PPP1R9A: variants seen among roughly 807,000 people sequenced by gnomAD.
The protein encoded by PPP1R9A is neurabin-1.
In PPP1R9A, 59 loss-of-function variants were observed where a neutral mutation model predicts 141.9. That is an observed-to-expected ratio of 0.42 (90% CI 0.34 to 0.52). The LOEUF is 0.52. PPP1R9A is among the 20% of genes least tolerant of loss of function. The pLI, the probability that PPP1R9A is intolerant of heterozygous loss-of-function variation, is 0.10. For synonymous variants in PPP1R9A, 500 were observed against 569.7 expected (o/e 0.88, Z 1.74); for missense variants, 1,444 against 1,611.9 (o/e 0.90, Z 1.78).
intron 2 of PPP1R9A, among the ~76,000 whole-genome samples, chr7:95,020,741 A>T (rs1165482719): frequency 1.3e-5 from 2 of 152,174 alleles, no homozygotes; most frequent in African/African-American, 4.8e-5. Context: ...TTTGCTGAGA[A>T]TGATGGTTTC....
chr7:95,230,225 A>G (rs1161474574), intron 8 of PPP1R9A, among the ~76,000 whole-genome samples: 1 of 152,112 alleles, frequency 6.6e-6, no homozygotes, highest in Non-Finnish European at 1.5e-5. Flanking sequence ...GGAATCAGAA[A>G]AACAATTCTG....
intron 7 of PPP1R9A, among the ~76,000 whole-genome samples, chr7:95,225,183 A>C (rs1168083711): frequency 1.3e-5 from 2 of 152,128 alleles, no homozygotes; most frequent in Non-Finnish European, 2.9e-5. Context: ...GACATTAGAA[A>C]AATTGTGGGG....
rs923272261 is a variant in PPP1R9A, at chr7:95,226,070, C to T, written c.2066C>T (p.Ser689Phe). The T allele has an allele frequency of 1.2e-6, 2 of 1,613,424 alleles. No individual in the cohort carries two copies. Among genetic ancestry groups the T allele is most frequent in the African/African-American group, 2.7e-5 (2 of 74,872 alleles). Residue 689 changes from serine to phenylalanine, a missense_variant, in exon 8 of 20, where the codon TCC (serine) becomes TTC (phenylalanine). By Grantham distance (155) the Ser-to-Phe change is radical. Coordinates refer to ENST00000433360, the MANE Select transcript of PPP1R9A (RefSeq NM_001166160.2). ...CTGCCTGAGAATGAGGACATGTTTT[C>T]CCCATCAGAACTGGACACAAGCAAG... ...FELPENEDMFSPSELDTSKLS... is the reference protein window; with the variant it reads ...FELPENEDMFFPSELDTSKLS...
At chr7:95,286,959 A>C (rs1805459278) in intron 18 of PPP1R9A, 2 of 798,406 alleles carry the variant, frequency 2.5e-6, no homozygotes, top group Non-Finnish European at 3.9e-6. Context: ...TTTTTTATTC[A>C]CAAAACTTTT....
intron 4 of PPP1R9A, among the ~76,000 whole-genome samples, chr7:95,141,762 T>C (rs1021310905): frequency 6.6e-6 from 1 of 152,206 alleles, no homozygotes; most frequent in Non-Finnish European, 1.5e-5. Context: ...TTTAGTTTAT[T>C]CATTTTGATA....
intron 16 of PPP1R9A, among the ~76,000 whole-genome samples, chr7:95,280,000 T>C (rs571008538): frequency 6.6e-6 from 1 of 152,280 alleles, no homozygotes; most frequent in East Asian, 1.9e-4. Flanking sequence ...ACAGTGACCA[T>C]CTCAGATGAA....
chr7:95,279,116 T>C (rs1803691694), intron 16 of PPP1R9A, among the ~76,000 whole-genome samples: 1 of 152,236 alleles, frequency 6.6e-6, no homozygotes, highest in African/African-American at 2.4e-5. Flanking sequence ...CATCCAAGGA[T>C]GACTTTTGTT....
At chr7:94,920,223 A>G (rs1044245742) in intron 2 of PPP1R9A, among the ~76,000 whole-genome samples, 1 of 152,184 alleles carries the variant, frequency 6.6e-6, no homozygotes, top group African/African-American at 2.4e-5. Context: ...GGGTTTAACT[A>G]TATGTTAAAA....
chr7:95,015,251 C>A (rs200305398), intron 2 of PPP1R9A, among the ~76,000 whole-genome samples: 1 of 137,452 alleles, frequency 7.3e-6, no homozygotes, highest in Non-Finnish European at 1.5e-5. Flanking sequence ...CACACACATA[C>A]ACACACACAT....
At chr7:95,072,818 AATTATT>A (rs1234984484) in intron 2 of PPP1R9A, among the ~76,000 whole-genome samples, 1 of 66,734 alleles carries the variant, frequency 1.5e-5, no homozygotes, top group Non-Finnish European at 2.7e-5. Flanking sequence ...TATATATAAT[AATTATT>A]ATATATATAA....
At chr7:94,932,417 TAGTC>T (rs1369988579) in intron 2 of PPP1R9A, among the ~76,000 whole-genome samples, 1 of 152,212 alleles carries the variant, frequency 6.6e-6, no homozygotes, top group South Asian at 2.1e-4. Context: ...GCTACATAAA[TAGTC>T]AGACCCCTTG....
At chr7:95,106,803 C>CT (rs887014561) in intron 2 of PPP1R9A, among the ~76,000 whole-genome samples, 10 of 151,646 alleles carry the variant, frequency 6.6e-5, no homozygotes, top group Non-Finnish European at 1.3e-4. Context: ...ATGTTGTAGT[C>CT]TTTTTTTTGT....
chr7:95,129,509 C>T (rs1015036627), intron 4 of PPP1R9A, among the ~76,000 whole-genome samples: 2 of 152,104 alleles, frequency 1.3e-5, no homozygotes, highest in African/African-American at 4.8e-5. Flanking sequence ...AGTTTGAAAA[C>T]AGACTAATAC....
At chr7:95,003,481 A>T (rs761766189) in intron 2 of PPP1R9A, among the ~76,000 whole-genome samples, 1 of 152,178 alleles carries the variant, frequency 6.6e-6, no homozygotes, top group Middle Eastern at 3.2e-3. Context: ...TAAAAATGAG[A>T]TTGTTAAGGG....
chr7:95,077,532 A>AC, intron 2 of PPP1R9A, among the ~76,000 whole-genome samples: 1 of 152,296 alleles, frequency 6.6e-6, no homozygotes, highest in East Asian at 1.9e-4. Context: ...TCCATAGTAT[A>AC]ATATGAGGGA....
chr7:94,922,052 TA>T (rs1482739892), intron 2 of PPP1R9A, among the ~76,000 whole-genome samples: 4 of 151,048 alleles, frequency 2.6e-5, no homozygotes, highest in African/African-American at 9.7e-5. Flanking sequence ...TAGAATTACC[TA>T]TTATTTAGGA....
At position 95,286,295 on chromosome 7, in the gene PPP1R9A, C is replaced by G. The variant is rs979327847; in HGVS notation, c.3699C>G (p.Leu1233=). 16 of 1,613,430 alleles carry G rather than the reference C, an allele frequency of 9.9e-6. No homozygotes were observed. The highest frequency in any genetic ancestry group is 1.4e-5 in the Non-Finnish European group (16 of 1,179,646). Residue 1233 remains leucine (L), a synonymous_variant, in exon 18 of 20, where the codon CTC becomes CTG. Coordinates refer to ENST00000433360, the MANE Select transcript of PPP1R9A (RefSeq NM_001166160.2). The stretch of plus-strand genomic sequence containing the variant: ...GAGCAGAACCTAAAACACCAGGGCT[C>G]TCTCAGTCCTTAGCACTGTCATCAG... ...GLGAEPKTPG[L]SQSLALSSDE...
At chr7:94,976,382 C>T (rs1448359360) in intron 2 of PPP1R9A, among the ~76,000 whole-genome samples, 1 of 145,956 alleles carries the variant, frequency 6.9e-6, no homozygotes, top group Admixed American at 7.0e-5. Flanking sequence ...CGCTCTGTCA[C>T]CCAGGCTGGA....
intron 2 of PPP1R9A, among the ~76,000 whole-genome samples, chr7:95,046,668 C>T (rs1810059875): frequency 6.6e-6 from 1 of 152,170 alleles, no homozygotes; most frequent in South Asian, 2.1e-4. Context: ...CTCTGTCATG[C>T]ATTTTAGCTA....
Sources: allele counts gnomAD v4.1 joint callset (sites outside exome capture counted in the v4.1 genomes callset), GRCh38; gene constraint gnomAD v4.1.1; transcripts MANE v1.5; gene names NCBI Gene and HGNC (gene_info 2026-07-23, HGNC 2026-07-21).